CENPM: variants seen among roughly 807,000 people sequenced by gnomAD.
CENPM encodes centromere protein M.
A neutral mutation model predicts 19.6 loss-of-function variants in CENPM; 14 were observed. The observed-to-expected ratio is 0.71, with a 90% CI of 0.47 to 1.11. The LOEUF is 1.11. Ranked by LOEUF, CENPM falls within the 50% of genes most tolerant of loss-of-function variation. The probability of loss-of-function intolerance (pLI) is 0.00; values close to 1 mark genes in which losing one functional copy is unlikely to be tolerated. For missense variants in CENPM, 239 were observed against 228.4 expected (o/e 1.05, Z -0.30); for synonymous variants, 114 against 101.5 (o/e 1.12, Z -0.74).
At chr22:41,939,864 G>A (rs200243771) in intron 5 of CENPM, among the ~76,000 whole-genome samples, 2 of 53,836 alleles carry the variant, frequency 3.7e-5, no homozygotes, top group African/African-American at 7.0e-5. Context: ...AAGAAAGAAA[G>A]AAAGAAAGAA....
At position 41,945,894 on chromosome 22, in the gene CENPM, C is replaced by G; in HGVS notation, c.230+19G>C. 1 of 1,602,730 alleles carries G rather than the reference C, an allele frequency of 6.2e-7. No homozygotes were observed. Among genetic ancestry groups the G allele is most frequent in the Non-Finnish European group, 8.5e-7 (1 of 1,170,762 alleles). ...CCAGGCCTGCCTGAGCCCTGACTGC[C>G]CCTTCCTCTGGCTCTCACCTGTATT... On this transcript the variant is annotated intron_variant, in intron 3 of 5. Transcript: ENST00000215980.
At chr22:41,945,447 A>ATTTTTT in intron 3 of CENPM, 143 bp from the exon 4 acceptor site, 10 of 1,099,670 alleles carry the variant, frequency 9.1e-6, no homozygotes, top group South Asian at 3.6e-5. Context: ...TTGTCCTTTA[A>ATTTTTT]TTTTTTTTTT....
intron 5 of CENPM, chr22:41,940,311 A>C: frequency 1.6e-6 from 1 of 607,708 alleles, no homozygotes; most frequent in South Asian, 1.9e-5. Context: ...GTTTACCACC[A>C]CCTGACACGC....
chr22:41,939,177 G>A lies in CENPM; in HGVS notation c.422C>T (p.Thr141Ile). ...CACGCGCACCAGGCGCTGCGCCATGGTGGCCCTAAAGCCTTCCACCTGCGG... is the reference window on the plus strand; with the variant it reads ...CACGCGCACCAGGCGCTGCGCCATGATGGCCCTAAAGCCTTCCACCTGCGG... Reference protein sequence around the residue: ...CDLEVEGFRATMAQRLVRVLQ... With the variant: ...CDLEVEGFRAIMAQRLVRVLQ... Residue 141 changes from threonine to isoleucine, a missense_variant, in exon 6 of 6, where the codon ACC becomes ATC. Transcript: ENST00000215980. 3.7e-6 allele frequency: 6 copies of A among 1,611,900 alleles called. No homozygotes were observed. Among genetic ancestry groups the A allele is most frequent in the Non-Finnish European group, 5.1e-6 (6 of 1,179,576 alleles).
At chr22:41,941,069 TGA>T (rs2077734598) in intron 5 of CENPM, among the ~76,000 whole-genome samples, 1 of 152,340 alleles carries the variant, frequency 6.6e-6, no homozygotes, top group East Asian at 1.9e-4. Flanking sequence ...CATGAGATTC[TGA>T]GAGGGCAGGG....
At position 41,939,131 on chromosome 22, in the gene CENPM, G is replaced by A. The variant is rs767807033; in HGVS notation, c.468C>T (p.His156=). 1.2e-5 allele frequency: 19 copies of A among 1,612,806 alleles called. No individual in the cohort carries two copies. The highest frequency in any genetic ancestry group is 1.4e-5 in the Non-Finnish European group (16 of 1,179,950). ...GGTTCAGAGCTGAGACACCGGGCAC[G>A]TGGCCAGCACAGATCTGCAGCACGC... ...LVRVLQICAG[H]VPGVSALNLL... The change falls in exon 6 of 6, where the codon CAC becomes CAT. Residue 156 remains histidine (H), a synonymous_variant. Transcript: ENST00000215980.
At chr22:41,932,570 T>C in the CENPM span, among the ~76,000 whole-genome samples, 1 of 152,328 alleles carries the variant, frequency 6.6e-6, no homozygotes, top group East Asian at 1.9e-4. This position sits in a 1 kb window ranked among gnomAD's most constrained non-coding sequence, Gnocchi z 4.3. Context: ...ACACGCGCGC[T>C]CCTGCACTCC....
rs779984537 is a variant in CENPM, at chr22:41,946,481, C to T, written c.73G>A (p.Asp25Asn). ...TCCGCCAGCTGCTGCAGAAGAGCATCCTCCGTGCCCACCAGCTGCGCAGGG... is the reference window on the plus strand; with the variant it reads ...TCCGCCAGCTGCTGCAGAAGAGCATTCTCCGTGCCCACCAGCTGCGCAGGG... ...TATILLVGTEDALLQQLADSM... is the reference protein window; with the variant it reads ...TATILLVGTENALLQQLADSM... Residue 25 changes from aspartate (D) to asparagine (N), a missense_variant, in exon 2 of 6, where the codon GAT (aspartate) becomes AAT (asparagine). By Grantham distance (23) the Asp-to-Asn change is conservative. Coordinates refer to ENST00000215980, the MANE Select transcript of CENPM (RefSeq NM_024053.5). The T allele has an allele frequency of 3.7e-6, 6 of 1,613,258 alleles. No homozygotes were observed. In the Middle Eastern group the frequency reaches 6.6e-4, roughly 178 times the overall value.
At chr22:41,936,431 C>G (rs1602381625), downstream of CENPM, among the ~76,000 whole-genome samples, 1 of 152,206 alleles carries the variant, frequency 6.6e-6, no homozygotes, top group South Asian at 2.1e-4. Context: ...AAGTCCTCAG[C>G]GGAGCCCAAG....
At position 41,943,553 on chromosome 22, in the gene CENPM, G is replaced by T; in HGVS notation, c.402+57C>A. The T allele has an allele frequency of 2.0e-6, 3 of 1,489,624 alleles. No individual in the cohort carries two copies. The South Asian group carries it at 3.6e-5, about 18-fold the overall frequency. 92.3% of individuals were successfully genotyped at this position (1,489,624 alleles called of 1,614,324 possible). On this transcript the variant is annotated intron_variant, in intron 5 of 5. Coordinates refer to ENST00000215980, the MANE Select transcript of CENPM (RefSeq NM_024053.5). ...ATTCCCAATGTGCCCACTGTGTGCT[G>T]ACCACCCTTTCCCCGCACCCGAGTA...
chr22:41,933,837 T>C (rs1307559048), downstream of CENPM, among the ~76,000 whole-genome samples: 1 of 152,186 alleles, frequency 6.6e-6, no homozygotes, highest in Non-Finnish European at 1.5e-5. Context: ...CCCTGATGCG[T>C]GTGGGTTGGG....
chr22:41,933,174 G>A, the CENPM span, among the ~76,000 whole-genome samples: 1 of 152,166 alleles, frequency 6.6e-6, no homozygotes, highest in Non-Finnish European at 1.5e-5. Flanking sequence ...AGGGCTGTGC[G>A]CAAAGCATCT....
chr22:41,940,813 A>G (rs1045622927), intron 5 of CENPM, among the ~76,000 whole-genome samples: 4 of 152,052 alleles, frequency 2.6e-5, no homozygotes, highest in Non-Finnish European at 5.9e-5. Flanking sequence ...CCTGAAATCT[A>G]TCTCTAGGCT....
chr22:41,931,770 C>T, the CENPM span, among the ~76,000 whole-genome samples: 17 of 152,226 alleles, frequency 1.1e-4, no homozygotes, highest in African/African-American at 4.1e-4. Flanking sequence ...AAAGTGAGAG[C>T]ACTCTGGGGA....
At chr22:41,939,864 GAAAGAA>G (rs2077718697) in intron 5 of CENPM, among the ~76,000 whole-genome samples, 1 of 53,798 alleles carries the variant, frequency 1.9e-5, no homozygotes. Flanking sequence ...AAGAAAGAAA[GAAAGAA>G]AGAAAGAAAA....
intron 5 of CENPM, 118 bp from the exon 6 acceptor site, chr22:41,939,314 T>C: frequency 4.8e-6 from 6 of 1,247,956 alleles, no homozygotes; most frequent in Non-Finnish European, 6.5e-6. Context: ...GTAGCTCAGG[T>C]CACCACTGCC....
chr22:41,946,325 A>T, intron 2 of CENPM, 92 bp downstream of exon 2: 1 of 1,083,298 alleles, frequency 9.2e-7, no homozygotes, highest in Non-Finnish European at 1.4e-6. Context: ...GCCTCAGAGG[A>T]GGGGGCGCTG....
At chr22:41,946,999 A>G (rs760068859) in intron 1 of CENPM, 21 bp downstream of exon 1, 1 of 1,611,962 alleles carries the variant, frequency 6.2e-7, no homozygotes, top group Non-Finnish European at 8.5e-7. Context: ...CGGCGGGGGA[A>G]GCAGGGCCGC....
At chr22:41,941,843 G>A (rs1330121397) in intron 5 of CENPM, among the ~76,000 whole-genome samples, 1 of 152,220 alleles carries the variant, frequency 6.6e-6, no homozygotes, top group African/African-American at 2.4e-5. Context: ...TATCATGATC[G>A]ATGCATCGAG....
Sources: gnomAD v4.1 joint callset for allele counts (sites outside exome capture counted in the v4.1 genomes callset) on GRCh38, gnomAD v4.1.1 for gene constraint, Gnocchi (gnomAD v3.1) non-coding constraint, MANE v1.5 for transcripts, NCBI Gene and HGNC (gene_info 2026-07-23, HGNC 2026-07-21) for gene names.